ZFYVE27: variants seen among roughly 807,000 people sequenced by gnomAD.
The protein encoded by ZFYVE27 is protrudin.
In ZFYVE27, 36 loss-of-function variants were observed where a neutral mutation model predicts 52.8. The ratio of observed to expected loss-of-function variants is 0.68; its 90% CI spans 0.52 to 0.90. The LOEUF is 0.90. Among genes scored for constraint, ZFYVE27 ranks in the 40% least tolerant of loss-of-function variants. The pLI is 0.00. For missense variants in ZFYVE27, 450 were observed against 527.2 expected, an observed-to-expected ratio of 0.85 and a Z score of 1.43; for synonymous variants, 223 against 215.6, an observed-to-expected ratio of 1.03 and a Z score of -0.30.
intron 2 of ZFYVE27, among the ~76,000 whole-genome samples, chr10:97,739,234 TAAA>T (rs773578612): frequency 7.2e-6 from 1 of 138,940 alleles, no homozygotes. Flanking sequence ...CCTGGCTAAT[TAAA>T]AAAAAAAAAA....
Position 97,759,767 on chromosome 10 carries a change from G to A in ZFYVE27, c.*467G>A. 4.7e-6 allele frequency: 1 copy of A among 212,318 alleles called. No homozygotes were observed. The highest frequency in any genetic ancestry group is 5.0e-5 in the Admixed American group (1 of 20,002). The allele number at this position is 212,318 out of a possible 1,614,324, so 13.2% of individuals were successfully genotyped here. A position where few individuals can be genotyped will look rare whatever the true frequency, so the allele number is the denominator to read the frequency against. On this transcript the variant is annotated 3_prime_UTR_variant, in exon 13 of 13. Coordinates refer to ENST00000684270, the MANE Select transcript of ZFYVE27 (RefSeq NM_001385875.1). ...TCAGAGAGCCTGCAGAAGGGCTTGG[G>A]AGTGCCACACCCCATCTCTGCTGAT...
At chr10:97,755,570 C>T (rs895880076) in intron 10 of ZFYVE27, among the ~76,000 whole-genome samples, 8 of 152,206 alleles carry the variant, frequency 5.3e-5, no homozygotes, top group South Asian at 4.1e-4. Flanking sequence ...ATCCCATTCA[C>T]GAGGGCTCCA....
At chr10:97,757,767 C>G (rs755079080) in intron 12 of ZFYVE27, 44 bp downstream of exon 12, 1 of 1,590,914 alleles carries the variant, frequency 6.3e-7, no homozygotes, top group Non-Finnish European at 8.6e-7. Flanking sequence ...GTATCCCGCC[C>G]AGGGGATGTC....
At chr10:97,753,623 A>AG (rs1314840816) in intron 10 of ZFYVE27, among the ~76,000 whole-genome samples, 1 of 152,152 alleles carries the variant, frequency 6.6e-6, no homozygotes, top group East Asian at 1.9e-4. Context: ...CTTCTGTAAA[A>AG]GGGGGATCAT....
chr10:97,758,114 T>C (rs2048854350), intron 12 of ZFYVE27: 1 of 161,534 alleles, frequency 6.2e-6, no homozygotes, highest in Admixed American at 6.0e-5. Context: ...TTTTTCCTTT[T>C]ATAAAATATA....
intron 2 of ZFYVE27, among the ~76,000 whole-genome samples, chr10:97,740,026 C>T (rs1433687932): frequency 6.6e-6 from 1 of 152,036 alleles, no homozygotes; most frequent in Admixed American, 6.5e-5. Flanking sequence ...CAGTGAATCC[C>T]CTGAAACTGC....
intron 2 of ZFYVE27, among the ~76,000 whole-genome samples, chr10:97,739,138 C>T (rs572309520): frequency 8.2e-4 from 124 of 150,612 alleles, no homozygotes; most frequent in African/African-American, 2.8e-3. Context: ...GCTGTATTGT[C>T]CAGGCTGGAA....
chr10:97,752,974 C>G (rs529351458), intron 9 of ZFYVE27, 64 bp from the exon 10 acceptor site: 2 of 1,613,010 alleles, frequency 1.2e-6, no homozygotes, highest in African/African-American at 2.7e-5. Context: ...CGCAGGATGC[C>G]TCTGCACACG....
At chr10:97,742,269 A>G (rs2043911385) in intron 2 of ZFYVE27, among the ~76,000 whole-genome samples, 1 of 151,256 alleles carries the variant, frequency 6.6e-6, no homozygotes, top group African/African-American at 2.4e-5. Flanking sequence ...TCGTGGCTTC[A>G]TTGTTGCATC....
intron 2 of ZFYVE27, among the ~76,000 whole-genome samples, chr10:97,739,612 C>G (rs1034505311): frequency 1.3e-5 from 2 of 152,130 alleles, no homozygotes; most frequent in African/African-American, 4.8e-5. Flanking sequence ...TGATATCATC[C>G]TATACTCAGT....
At chr10:97,741,165 C>G (rs961066736) in intron 2 of ZFYVE27, among the ~76,000 whole-genome samples, 1 of 152,112 alleles carries the variant, frequency 6.6e-6, no homozygotes, top group African/African-American at 2.4e-5. Context: ...CTGTTGGTGG[C>G]AGTGTACATT....
At chr10:97,755,078 T>G (rs1377414804) in intron 10 of ZFYVE27, among the ~76,000 whole-genome samples, 1 of 152,234 alleles carries the variant, frequency 6.6e-6, no homozygotes, top group Non-Finnish European at 1.5e-5. Context: ...GTATTTGATT[T>G]TTGGTTTGGA....
rs115421225 is a variant in ZFYVE27, at chr10:97,746,855, A to G, written c.456-1414A>G. On this transcript the variant is annotated intron_variant, in intron 4 of 12. Transcript: ENST00000684270. ...CAGGCACATGCACCATACCCTGCTA[A>G]TTAAAACAATTTTTTTGTAGAGATA... 6.3e-3 allele frequency among the ~76,000 whole-genome samples: 950 copies of G among 151,994 alleles called. 12 individuals carry two copies. Among genetic ancestry groups the G allele is most frequent in the African/African-American group, 0.022 (921 of 41,446 alleles).
chr10:97,755,452 C>CTGG (rs755347379), intron 10 of ZFYVE27, among the ~76,000 whole-genome samples: 79 of 152,222 alleles, frequency 5.2e-4, no homozygotes, highest in Admixed American at 1.3e-3. Context: ...GGATCAGGTT[C>CTGG]TGGTGAGGTC....
At chr10:97,745,075 C>T (rs2044813844) in intron 4 of ZFYVE27, among the ~76,000 whole-genome samples, 160 bp downstream of exon 4, 1 of 152,166 alleles carries the variant, frequency 6.6e-6, no homozygotes, top group South Asian at 2.1e-4. Context: ...TTAACATCTT[C>T]CATTTATGGG....
intron 4 of ZFYVE27, among the ~76,000 whole-genome samples, chr10:97,745,190 T>C (rs2044872942): frequency 6.6e-6 from 1 of 150,664 alleles, no homozygotes; most frequent in African/African-American, 2.5e-5. Context: ...TTCTTTTTTT[T>C]TTTGAGACAG....
chr10:97,757,377 T>G, intron 11 of ZFYVE27, 66 bp downstream of exon 11: 1 of 1,608,996 alleles, frequency 6.2e-7, no homozygotes, highest in South Asian at 1.1e-5. Context: ...GGGGAGGAGT[T>G]GAGGGGAGTC....
intron 5 of ZFYVE27, 63 bp downstream of exon 5, chr10:97,748,427 G>A: frequency 1.9e-6 from 3 of 1,551,560 alleles, no homozygotes; most frequent in Non-Finnish European, 2.6e-6. Flanking sequence ...CCCGAGCAAA[G>A]CCAGCTGCCT....
intron 10 of ZFYVE27, among the ~76,000 whole-genome samples, chr10:97,755,070 A>G (rs1051520105): frequency 4.0e-5 from 6 of 151,830 alleles, no homozygotes; most frequent in Admixed American, 6.6e-5. Flanking sequence ...CCGCTTTTGT[A>G]TTTGATTTTT....
Sources: gnomAD v4.1 joint callset for allele counts (sites outside exome capture counted in the v4.1 genomes callset) on GRCh38, gnomAD v4.1.1 for gene constraint, MANE v1.5 for transcripts, NCBI Gene and HGNC (gene_info 2026-07-23, HGNC 2026-07-21) for gene names.